MYBL2: variants seen among roughly 807,000 people sequenced by gnomAD.
The protein encoded by MYBL2 is MYB proto-oncogene like 2.
In MYBL2, 28 loss-of-function variants were observed where a neutral mutation model predicts 79.9. The observed-to-expected ratio is 0.35, with a 90% confidence interval of 0.26 to 0.48. The LOEUF (loss-of-function observed/expected upper bound fraction) is 0.48. Ranked by LOEUF, MYBL2 falls within the 20% of genes least tolerant of loss-of-function variation. MYBL2 has a pLI of 0.99. For synonymous variants in MYBL2, 378 were observed against 361.2 expected, an observed-to-expected ratio of 1.05 and a Z score of -0.53; for missense variants, 735 against 893.9, an observed-to-expected ratio of 0.82 and a Z score of 2.27.
At chr20:43,686,786 T>G in intron 4 of MYBL2, 66 bp from the exon 5 acceptor site, 1 of 1,499,930 alleles carries the variant, frequency 6.7e-7, no homozygotes, top group Non-Finnish European at 9.2e-7. Context: ...CAGGTGGATG[T>G]GAAGGGCTAT....
chr20:43,704,800 C>G (rs1302140210), intron 8 of MYBL2, among the ~76,000 whole-genome samples: 2 of 152,206 alleles, frequency 1.3e-5, no homozygotes, highest in African/African-American at 4.8e-5. Flanking sequence ...TTAGCACTGG[C>G]AAGAGAAGGT....
In MYBL2 at chr20:43,716,052, C is replaced by A. The variant is rs759018426; in HGVS notation, c.2068C>A (p.Pro690Thr). The A allele has an allele frequency of 4.3e-6, 7 of 1,610,296 alleles. No individual in the cohort carries two copies. In the Admixed American group the frequency reaches 8.3e-5, roughly 19 times the overall value. The change falls in exon 14 of 14, where the codon CCC becomes ACC. Residue 690 changes from proline to threonine, a missense_variant. By Grantham distance (38) the Pro-to-Thr change is conservative. Coordinates refer to ENST00000217026, the MANE Select transcript of MYBL2 (RefSeq NM_002466.4). ...KARQLLGRLKPSHTSRTLILS is the reference protein window; with the variant it reads ...KARQLLGRLKTSHTSRTLILS ...CCGGCAGCTCCTGGGCCGCCTGAAG[C>A]CCAGCCACACATCTCGGACCCTCAT...
chr20:43,690,911 C>G (rs1465781095), intron 5 of MYBL2, among the ~76,000 whole-genome samples: 1 of 152,194 alleles, frequency 6.6e-6, no homozygotes, highest in African/African-American at 2.4e-5. Flanking sequence ...CACTATACTT[C>G]TATACACTTT....
At chr20:43,686,172 A>T (rs922454141) in intron 4 of MYBL2, among the ~76,000 whole-genome samples, 1 of 152,220 alleles carries the variant, frequency 6.6e-6, no homozygotes, top group Non-Finnish European at 1.5e-5. Flanking sequence ...AATCTTTGCC[A>T]AAAGAAGCAT....
At chr20:43,670,025 A>T (rs1267938229) in intron 1 of MYBL2, among the ~76,000 whole-genome samples, 4 of 152,222 alleles carry the variant, frequency 2.6e-5, no homozygotes, top group African/African-American at 9.6e-5. Flanking sequence ...AATTCACTTG[A>T]ACCCAGGAGG....
chr20:43,682,200 C>CT (rs1482255599), intron 3 of MYBL2, among the ~76,000 whole-genome samples: 1 of 151,298 alleles, frequency 6.6e-6, no homozygotes. Context: ...GGAAGTGATG[C>CT]TTTCAGCAGG....
intron 9 of MYBL2, among the ~76,000 whole-genome samples, chr20:43,709,614 C>T (rs954086509): frequency 3.9e-5 from 6 of 152,188 alleles, no homozygotes; most frequent in Non-Finnish European, 8.8e-5. Flanking sequence ...GAGAGCTGGG[C>T]AGGATGGGAT....
At chr20:43,711,718 T>C (rs1269996191) in intron 11 of MYBL2, 117 bp downstream of exon 11, 7 of 883,400 alleles carry the variant, frequency 7.9e-6, no homozygotes, top group Non-Finnish European at 1.2e-5. Context: ...GGGCGTAGCA[T>C]ATCCCCTTTG....
At chr20:43,677,665 C>T (rs1402071458) in intron 2 of MYBL2, among the ~76,000 whole-genome samples, 10 of 150,684 alleles carry the variant, frequency 6.6e-5, no homozygotes, top group African/African-American at 2.4e-4. Flanking sequence ...CCAGCCGCCC[C>T]GACTGGGAGG....
chr20:43,685,746 C>G (rs1212305430), intron 4 of MYBL2, among the ~76,000 whole-genome samples: 1 of 150,394 alleles, frequency 6.6e-6, no homozygotes, highest in Non-Finnish European at 1.5e-5. Flanking sequence ...CAGAGTGAGA[C>G]ACTGTCTCAA....
chr20:43,682,641 G>A (rs1987171966), intron 3 of MYBL2, among the ~76,000 whole-genome samples, 153 bp from the exon 4 acceptor site: 1 of 152,214 alleles, frequency 6.6e-6, no homozygotes, highest in Non-Finnish European at 1.5e-5. Context: ...ATGTGGGCTT[G>A]CAGTGAGTGG....
chr20:43,712,733 G>C (rs1275302081), intron 11 of MYBL2, among the ~76,000 whole-genome samples: 1 of 152,190 alleles, frequency 6.6e-6, no homozygotes, highest in East Asian at 1.9e-4. Context: ...TCACTTCGTG[G>C]TGGAGGTTCA....
intron 4 of MYBL2, among the ~76,000 whole-genome samples, chr20:43,684,009 G>A (rs1987208195): frequency 6.6e-6 from 1 of 151,916 alleles, no homozygotes; most frequent in Non-Finnish European, 1.5e-5. Context: ...GCTCATTGCA[G>A]CCTCGACCTC....
chr20:43,695,708 C>T (rs577466077), intron 6 of MYBL2, among the ~76,000 whole-genome samples: 9 of 150,004 alleles, frequency 6.0e-5, no homozygotes, highest in African/African-American at 1.5e-4. Context: ...AAAGCTGGTG[C>T]GGTGGCACAC....
At chr20:43,670,735 G>C (rs1300450512) in intron 1 of MYBL2, among the ~76,000 whole-genome samples, 5 of 152,112 alleles carry the variant, frequency 3.3e-5, no homozygotes, top group African/African-American at 1.2e-4. Flanking sequence ...GGAGAACAAG[G>C]AGAAGGTAAT....
chr20:43,679,272 G>A (rs1987090228), intron 2 of MYBL2, among the ~76,000 whole-genome samples: 2 of 152,282 alleles, frequency 1.3e-5, no homozygotes, highest in South Asian at 4.1e-4. Flanking sequence ...GGGCCACGTT[G>A]TGACCAATTT....
At chr20:43,711,665 G>A (rs556836434) in intron 11 of MYBL2, 64 bp downstream of exon 11, 91 of 1,440,286 alleles carry the variant, frequency 6.3e-5, no homozygotes, top group East Asian at 2.9e-4. Flanking sequence ...TGGGGGAGGC[G>A]TCTGGGGACA....
intron 2 of MYBL2, among the ~76,000 whole-genome samples, chr20:43,681,313 C>T (rs1013347358): frequency 6.6e-6 from 1 of 152,248 alleles, no homozygotes; most frequent in East Asian, 1.9e-4. Context: ...TTACAAAGTT[C>T]TCTTCATAGA....
At chr20:43,684,311 T>C (rs1987216836) in intron 4 of MYBL2, among the ~76,000 whole-genome samples, 1 of 151,794 alleles carries the variant, frequency 6.6e-6, no homozygotes, top group Non-Finnish European at 1.5e-5. Context: ...GATCTTGGCT[T>C]ACTGCAACCT....
Sources: allele counts gnomAD v4.1 joint callset (sites outside exome capture counted in the v4.1 genomes callset), GRCh38; gene constraint gnomAD v4.1.1; transcripts MANE v1.5; gene names NCBI Gene and HGNC (gene_info 2026-07-23, HGNC 2026-07-21).